Variants in SPTBN5 observed in about 807,000 individuals in gnomAD.
The protein encoded by SPTBN5 is spectrin beta chain, non-erythrocytic 5.
SPTBN5 carries 513 observed loss-of-function variants against 477.6 expected under a neutral mutation model. That is an observed-to-expected ratio of 1.07 (90% CI 1.00 to 1.16). The LOEUF (loss-of-function observed/expected upper bound fraction) is 1.16. Among genes scored for constraint, SPTBN5 ranks in the 50% most tolerant of loss-of-function variants. SPTBN5 has a pLI of 0.00. For synonymous variants in SPTBN5, 2,169 were observed against 2,011.7 expected, an observed-to-expected ratio of 1.08 and a Z score of -2.09; for missense variants, 5,062 against 4,731.8, an observed-to-expected ratio of 1.07 and a Z score of -2.05.
chr15:41,893,202 ACAGCT>A, intron 2 of SPTBN5, 75 bp downstream of exon 2: 5 of 1,595,580 alleles, frequency 3.1e-6, no homozygotes, highest in Non-Finnish European at 4.3e-6. Flanking sequence ...AGATGACCCC[ACAGCT>A]CACCCCGGAG....
intron 12 of SPTBN5, among the ~76,000 whole-genome samples, 192 bp from the exon 13 acceptor site, chr15:41,881,426 G>A (rs777582685): frequency 6.6e-6 from 1 of 152,212 alleles, no homozygotes; most frequent in Non-Finnish European, 1.5e-5. Context: ...GTGAGCACAG[G>A]ATCTGATGGC....
intron 41 of SPTBN5, 84 bp from the exon 42 acceptor site, chr15:41,862,987 G>A: frequency 3.2e-6 from 4 of 1,251,428 alleles, no homozygotes; most frequent in Non-Finnish European, 4.5e-6. Flanking sequence ...AGTGGCTTCT[G>A]TGTGCACAGC....
intron 7 of SPTBN5, among the ~76,000 whole-genome samples, chr15:41,884,308 A>T (rs748549801): frequency 2.1e-4 from 32 of 150,760 alleles, no homozygotes; most frequent in Non-Finnish European, 4.0e-4. Flanking sequence ...TTTAGTAGAG[A>T]CGGGTTTCAC....
chr15:41,882,232 G>GCCCCCC, intron 11 of SPTBN5, 37 bp downstream of exon 11: 1 of 1,254,132 alleles, frequency 8.0e-7, no homozygotes, highest in East Asian at 2.8e-5. Context: ...GCCTCGCCGG[G>GCCCCCC]CCCCGCCCCC....
At chr15:41,863,373 G>A (rs769924902) in intron 41 of SPTBN5, among the ~76,000 whole-genome samples, 5 of 152,226 alleles carry the variant, frequency 3.3e-5, no homozygotes, top group Admixed American at 6.5e-5. Flanking sequence ...CAAACCTCCC[G>A]AGGGTTTGGG....
At chr15:41,888,186 C>T in intron 4 of SPTBN5, 101 bp from the exon 5 acceptor site, 2 of 1,258,532 alleles carry the variant, frequency 1.6e-6, no homozygotes, top group South Asian at 1.4e-5. Flanking sequence ...CAGGATCCTG[C>T]TCCTCCCTGG....
At chr15:41,865,660 G>C in intron 39 of SPTBN5, 148 bp downstream of exon 39, 1 of 669,276 alleles carries the variant, frequency 1.5e-6, no homozygotes, top group Non-Finnish European at 2.5e-6. Context: ...GAGTGAAGGC[G>C]GGTGAGAGGA....
In SPTBN5 at chr15:41,867,014, C is replaced by G. The variant is rs766875036; in HGVS notation, c.6425G>C (p.Gly2142Ala). ...CAGCAGGGAGGCATGCAGGGCGTGT[C>G]CCCGGCTCTCCGCCAGCTCCTTCAC... ...MRVKELAESR[G>A]HALHASLLMA... The change falls in exon 36 of 68, where the codon GGA becomes GCA. Residue 2142 changes from glycine (G) to alanine (A), a missense_variant. By Grantham distance (60) the Gly-to-Ala change is moderately conservative (BLOSUM62 0). Coordinates refer to ENST00000320955, the MANE Select transcript of SPTBN5 (RefSeq NM_016642.4). 4.8e-5 allele frequency: 75 copies of G among 1,559,642 alleles called. 1 individual carries two copies. The highest frequency in any genetic ancestry group is 6.4e-5 in the Non-Finnish European group (74 of 1,152,408).
At chr15:41,876,712 C>A in intron 19 of SPTBN5, 65 bp from the exon 20 acceptor site, 2 of 1,597,264 alleles carry the variant, frequency 1.3e-6, no homozygotes, top group Non-Finnish European at 1.7e-6. Flanking sequence ...ACGAGGTGCA[C>A]TCTCCCCCAC....
rs998735095 is a variant in SPTBN5 at position 41,850,187 on chromosome 15, G to T, written c.10922-228C>A. The stretch of plus-strand genomic sequence containing the variant: ...ACTCCTCACAGGTGAGTTAAGAAAG[G>T]CTGAGCCTTTCTTAGGAGGTGGGAA... On this transcript the variant is annotated intron_variant, in intron 66 of 67. Coordinates refer to ENST00000320955, the MANE Select transcript of SPTBN5 (RefSeq NM_016642.4). 9.1e-6 allele frequency: 5 copies of T among 548,540 alleles called. No individual in the cohort carries two copies. The African/African-American group carries it at 9.5e-5, about 10-fold the overall frequency. The allele number at this position is 548,540 out of a possible 1,614,324, so 34.0% of individuals were successfully genotyped here. A position where few individuals can be genotyped will look rare whatever the true frequency, so the allele number is the denominator to read the frequency against.
At chr15:41,865,999 TC>T in intron 38 of SPTBN5, 38 bp downstream of exon 38, 3 of 1,547,076 alleles carry the variant, frequency 1.9e-6, no homozygotes, top group South Asian at 1.2e-5. Flanking sequence ...GGAGGGCTCC[TC>T]CCCCCATCTC....
intron 16 of SPTBN5, among the ~76,000 whole-genome samples, chr15:41,878,903 TA>T (rs2066844577): frequency 1.3e-5 from 2 of 152,134 alleles, no homozygotes; most frequent in African/African-American, 4.8e-5. Flanking sequence ...CCGTCTCTAC[TA>T]AAAATACAAA....
intron 6 of SPTBN5, among the ~76,000 whole-genome samples, chr15:41,887,005 G>A (rs534759614): frequency 4.6e-5 from 7 of 152,360 alleles, no homozygotes; most frequent in South Asian, 4.1e-4. Flanking sequence ...ACCAGGCACC[G>A]TGCTGGGTCC....
chr15:41,881,278 C>A, intron 12 of SPTBN5, 44 bp from the exon 13 acceptor site: 2 of 1,531,328 alleles, frequency 1.3e-6, no homozygotes, highest in South Asian at 2.5e-5. Flanking sequence ...CCCCATCAAG[C>A]AGCAGGGGCT....
At position 41,873,545 on chromosome 15, in the gene SPTBN5, G is replaced by A. The variant is rs760821997; in HGVS notation, c.4954C>T (p.Arg1652Trp). 8.4e-6 allele frequency: 13 copies of A among 1,552,026 alleles called. No homozygotes were observed. The highest frequency in any genetic ancestry group is 2.4e-5 in the East Asian group (1 of 40,964). Reference protein sequence around the residue: ...VEEKRPLVSSRDYGRDEAATL... With the variant: ...VEEKRPLVSSWDYGRDEAATL... Reference sequence around the variant, plus strand: ...GCTGCCTCGTCTCTGCCATAGTCCCGACTGCTCACCAGCGGCCGCTTCTCC... The same window carrying A: ...GCTGCCTCGTCTCTGCCATAGTCCCAACTGCTCACCAGCGGCCGCTTCTCC... Residue 1652 changes from arginine to tryptophan, a missense_variant, in exon 26 of 68, where the codon CGG (arginine) becomes TGG (tryptophan). By Grantham distance (101) the Arg-to-Trp change is moderately radical. Transcript: ENST00000320955.
intron 46 of SPTBN5, 55 bp from the exon 47 acceptor site, chr15:41,860,813 G>GCTA: frequency 7.1e-7 from 1 of 1,406,936 alleles, no homozygotes; most frequent in South Asian, 1.7e-5. Flanking sequence ...CCCATCCCAG[G>GCTA]CTACCTGCCT....
chr15:41,875,687 G>C, intron 21 of SPTBN5, 65 bp from the exon 22 acceptor site: 1 of 1,487,388 alleles, frequency 6.7e-7, no homozygotes, highest in African/African-American at 1.4e-5. Context: ...GGCCGCAGCA[G>C]GCTGGACCTG....
chr15:41,855,529 A>G lies in SPTBN5; in HGVS notation c.9218+20T>C. The G allele has an allele frequency of 6.2e-7, 1 of 1,605,030 alleles. No homozygotes were observed. The highest frequency in any genetic ancestry group is 8.5e-7 in the Non-Finnish European group (1 of 1,174,230). On this transcript the variant is annotated intron_variant, in intron 54 of 67. Transcript: ENST00000320955. ...GGGGCTTCTCTCTGCTCCTTCGCGGATGGTGTGGCTTCCGCCCACCTTTCT... is the reference window on the plus strand; with the variant it reads ...GGGGCTTCTCTCTGCTCCTTCGCGGGTGGTGTGGCTTCCGCCCACCTTTCT...
intron 10 of SPTBN5, 30 bp downstream of exon 10, chr15:41,882,555 G>T: frequency 6.3e-7 from 1 of 1,582,920 alleles, no homozygotes; most frequent in East Asian, 2.3e-5. Flanking sequence ...AGGCGCTGGC[G>T]ACCGGCGGGC....
Sources: allele counts gnomAD v4.1 joint callset (sites outside exome capture counted in the v4.1 genomes callset), GRCh38; gene constraint gnomAD v4.1.1; transcripts MANE v1.5; gene names NCBI Gene and HGNC (gene_info 2026-07-23, HGNC 2026-07-21).